The following VAT1L variants were observed in gnomAD, a reference collection of about 807,000 sequenced individuals.
VAT1L encodes the protein vesicle amine transport 1 like.
In VAT1L, 34 loss-of-function variants were observed where a neutral mutation model predicts 44.1. That is an observed-to-expected ratio of 0.77 (90% confidence interval 0.59 to 1.03). The LOEUF is 1.03. Ranked by LOEUF, VAT1L falls within the 50% of genes least tolerant of loss-of-function variation. VAT1L has a pLI of 0.00. For synonymous variants in VAT1L, 253 were observed against 202.2 expected (o/e 1.25, Z -2.13); for missense variants, 615 against 538.8 (o/e 1.14, Z -1.40).
chr16:77,862,633 A>AG, intron 3 of VAT1L, 115 bp from the exon 4 acceptor site: 1 of 1,036,068 alleles, frequency 9.7e-7, no homozygotes, highest in East Asian at 2.9e-5. Context: ...TAAAAAAAAA[A>AG]AAAAAAAAAA....
Position 77,862,909 on chromosome 16 carries a change from A to G in VAT1L, c.722+19A>G. On this transcript the variant is annotated intron_variant, in intron 4 of 8. Coordinates refer to ENST00000302536, the MANE Select transcript of VAT1L (RefSeq NM_020927.3). The stretch of plus-strand genomic sequence containing the variant: ...TTAAAAGGTAAGATGTTTGCTTTTG[A>G]AAAAGCACCAGGCTGGCCCTTGCTC... The G allele has an allele frequency of 1.2e-6, 2 of 1,612,802 alleles. No homozygotes were observed. Among genetic ancestry groups the G allele is most frequent in the East Asian group, 2.2e-5 (1 of 44,860 alleles).
At position 77,825,579 on chromosome 16, in the gene VAT1L, G is replaced by A. The variant is rs530509338; in HGVS notation, c.579+118G>A. On this transcript the variant is annotated intron_variant, in intron 3 of 8. Transcript: ENST00000302536. The stretch of plus-strand genomic sequence containing the variant: ...TAGCAGGAATCATCACTATGGTTCT[G>A]GTAGAGTTCACATGGACAGCAAAGC... 5.8e-4 allele frequency: 683 copies of A among 1,187,808 alleles called. 1 individual carries two copies. Among genetic ancestry groups the A allele is most frequent in the Non-Finnish European group, 7.5e-4 (629 of 835,130 alleles). The allele number at this position is 1,187,808 out of a possible 1,614,324, so 73.6% of individuals were successfully genotyped here.
chr16:77,939,407 G>T (rs1209758919), intron 7 of VAT1L, among the ~76,000 whole-genome samples: 1 of 152,270 alleles, frequency 6.6e-6, no homozygotes, highest in East Asian at 1.9e-4. Context: ...GGGTGGGGAC[G>T]GTGGGAGTAG....
intron 1 of VAT1L, among the ~76,000 whole-genome samples, chr16:77,812,189 C>T (rs1361751769): frequency 1.3e-5 from 2 of 151,640 alleles, no homozygotes; most frequent in Non-Finnish European, 2.9e-5. Flanking sequence ...TCTCCTGCCT[C>T]AGTCTCCTGA....
chr16:77,833,491 G>A (rs1460872622), intron 3 of VAT1L, among the ~76,000 whole-genome samples: 4 of 151,642 alleles, frequency 2.6e-5, no homozygotes, highest in Non-Finnish European at 4.4e-5. Context: ...GGTGGCTTAC[G>A]CCTGTAATCC....
chr16:77,918,862 C>A (rs1352087805), intron 7 of VAT1L, among the ~76,000 whole-genome samples: 1 of 152,180 alleles, frequency 6.6e-6, no homozygotes, highest in East Asian at 1.9e-4. Flanking sequence ...CTAAGATAGG[C>A]TCCCAGTAAA....
chr16:77,817,851 G>A (rs1293033725), intron 2 of VAT1L, among the ~76,000 whole-genome samples: 2 of 152,122 alleles, frequency 1.3e-5, no homozygotes, highest in Non-Finnish European at 2.9e-5. Context: ...ATGCAAATCA[G>A]GTACAAGGGC....
At chr16:77,859,135 CA>C (rs59034189) in intron 3 of VAT1L, among the ~76,000 whole-genome samples, 316 of 126,004 alleles carry the variant, frequency 2.5e-3, no homozygotes, top group African/African-American at 4.8e-3. Context: ...AACTCCATCT[CA>C]AAAAAAAAAA....
chr16:77,919,300 C>G (rs16946798), intron 7 of VAT1L, among the ~76,000 whole-genome samples: 1 of 152,144 alleles, frequency 6.6e-6, no homozygotes, highest in Non-Finnish European at 1.5e-5. Context: ...GGTGTTGTGC[C>G]TAGACCAGGA....
At chr16:77,857,856 T>C (rs1679120978) in intron 3 of VAT1L, among the ~76,000 whole-genome samples, 1 of 150,288 alleles carries the variant, frequency 6.7e-6, no homozygotes, top group African/African-American at 2.4e-5. Flanking sequence ...TTTTTAACCA[T>C]GTGCATGTTT....
chr16:77,915,720 A>T (rs1374664151), intron 7 of VAT1L, among the ~76,000 whole-genome samples: 1 of 152,248 alleles, frequency 6.6e-6, no homozygotes, highest in African/African-American at 2.4e-5. Flanking sequence ...ACCAATGGAG[A>T]ACTAATGGCA....
chr16:77,885,868 C>T (rs2017204382), intron 7 of VAT1L, among the ~76,000 whole-genome samples: 1 of 152,096 alleles, frequency 6.6e-6, no homozygotes, highest in Admixed American at 6.6e-5. Flanking sequence ...CTTTGGGGGT[C>T]ACTGTATATT....
chr16:77,958,525 T>C (rs1482458097), intron 7 of VAT1L, among the ~76,000 whole-genome samples: 1 of 152,132 alleles, frequency 6.6e-6, no homozygotes, highest in South Asian at 2.1e-4. Context: ...ACCACCCAAA[T>C]CCAGCACTGT....
intron 7 of VAT1L, among the ~76,000 whole-genome samples, chr16:77,930,908 A>G (rs187890805): frequency 1.3e-5 from 2 of 152,322 alleles, no homozygotes; most frequent in Admixed American, 1.3e-4. Context: ...ACAACATTCA[A>G]CATAATTCAT....
intron 4 of VAT1L, among the ~76,000 whole-genome samples, chr16:77,869,762 C>G (rs2017011558): frequency 6.6e-6 from 1 of 152,168 alleles, no homozygotes; most frequent in Non-Finnish European, 1.5e-5. Context: ...AGCACAATCT[C>G]TAGCCAAAGG....
At chr16:77,793,932 C>A (rs2015881933) in intron 1 of VAT1L, among the ~76,000 whole-genome samples, 1 of 152,182 alleles carries the variant, frequency 6.6e-6, no homozygotes, top group Non-Finnish European at 1.5e-5. Context: ...CTCTTTGTTT[C>A]ATTTCATCCT....
chr16:77,836,190 T>G lies in VAT1L; in HGVS notation c.579+10729T>G, dbSNP rs11150017. On this transcript the variant is annotated intron_variant, in intron 3 of 8. Transcript: ENST00000302536. ...GTTAATTATAGTCAGAGGATCCAAT[T>G]TGAACTCAAATATAGAGAGCTAGGG... 5.9e-5 allele frequency among the ~76,000 whole-genome samples: 9 copies of G among 151,818 alleles called. No homozygotes were observed. The East Asian group carries it at 1.8e-3, about 30-fold the overall frequency.
At chr16:77,873,926 G>T (rs1283956065) in intron 4 of VAT1L, among the ~76,000 whole-genome samples, 2 of 152,164 alleles carry the variant, frequency 1.3e-5, no homozygotes, top group African/African-American at 2.4e-5. Context: ...TGAAGATGGG[G>T]AAGTGCACAG....
intron 3 of VAT1L, among the ~76,000 whole-genome samples, chr16:77,841,631 C>T (rs1377055644): frequency 6.6e-6 from 1 of 152,172 alleles, no homozygotes; most frequent in East Asian, 1.9e-4. Flanking sequence ...ACCCTGTCTC[C>T]TGGAAACTGC....
Sources: gnomAD v4.1 joint callset for allele counts (sites outside exome capture counted in the v4.1 genomes callset) on GRCh38, gnomAD v4.1.1 for gene constraint, MANE v1.5 for transcripts, NCBI Gene and HGNC (gene_info 2026-07-23, HGNC 2026-07-21) for gene names.